NLRP8: variants seen among roughly 807,000 people sequenced by gnomAD.
NLRP8 encodes NLR family pyrin domain containing 8.
NLRP8 carries 86 observed loss-of-function variants against 88.7 expected under a neutral mutation model. The ratio of observed to expected loss-of-function variants is 0.97; its 90% CI spans 0.81 to 1.16. The LOEUF is 1.16. Among genes scored for constraint, NLRP8 ranks in the 50% most tolerant of loss-of-function variants. The pLI is 0.00. For synonymous variants in NLRP8, 504 were observed against 494.6 expected (o/e 1.02, Z -0.25); for missense variants, 1,342 against 1,286.5 (o/e 1.04, Z -0.66).
chr19:55,951,988 G>C (rs1203332935), intron 1 of NLRP8, among the ~76,000 whole-genome samples: 4 of 152,184 alleles, frequency 2.6e-5, no homozygotes, highest in African/African-American at 9.6e-5. Context: ...CTTGGCTCAA[G>C]CAATCCTCCT....
rs1381349011 is a variant in NLRP8, at chr19:55,967,540, T to A, written c.2381+1160T>A. On this transcript the variant is annotated intron_variant, in intron 5 of 9. Transcript: ENST00000291971. ...AATGACTGAATCTCATTCTTTTTCA[T>A]GGCTGAATGGTACTCCATTGTGTAT... Among the ~76,000 whole-genome samples, 5 of 152,374 alleles carry A rather than the reference T, an allele frequency of 3.3e-5. No individual in the cohort carries two copies. In the East Asian group the frequency reaches 9.6e-4, roughly 29 times the overall value.
chr19:55,973,879 G>T, intron 7 of NLRP8, 57 bp downstream of exon 7: 1 of 1,505,526 alleles, frequency 6.6e-7, no homozygotes, highest in Middle Eastern at 2.1e-4. Flanking sequence ...GGGTGATGAA[G>T]AGAACCTGTT....
chr19:55,979,556 G>A lies in NLRP8; in HGVS notation c.3039G>A (p.Glu1013=). The change falls in exon 9 of 10, where the codon GAG becomes GAA. Residue 1013 remains glutamate (E), a synonymous_variant. Coordinates refer to ENST00000291971, the MANE Select transcript of NLRP8 (RefSeq NM_176811.2). ...TCTCAAGCCAAAAGAAGAGAGAAGAGGTCATTTTGTAAGTCTCCACCGGGT... is the reference window on the plus strand; with the variant it reads ...TCTCAAGCCAAAAGAAGAGAGAAGAAGTCATTTTGTAAGTCTCCACCGGGT... 1 of 1,614,162 alleles carries A rather than the reference G, an allele frequency of 6.2e-7. No individual in the cohort carries two copies.
intron 3 of NLRP8, among the ~76,000 whole-genome samples, chr19:55,960,042 T>C (rs973332131): frequency 2.6e-5 from 4 of 152,092 alleles, no homozygotes; most frequent in African/African-American, 9.7e-5. Flanking sequence ...AGACCCCTAA[T>C]AAAAACTTGT....
chr19:55,985,799 T>C (rs1171695793), intron 9 of NLRP8, among the ~76,000 whole-genome samples: 1 of 152,142 alleles, frequency 6.6e-6, no homozygotes, highest in African/African-American at 2.4e-5. Context: ...GTGGATCACC[T>C]GAGGTCAGGA....
At chr19:55,959,616 C>T (rs1979526561) in intron 3 of NLRP8, among the ~76,000 whole-genome samples, 1 of 152,130 alleles carries the variant, frequency 6.6e-6, no homozygotes, top group East Asian at 1.9e-4. Context: ...GGGTATGTCC[C>T]TGAACCAAAC....
intron 9 of NLRP8, chr19:55,987,793 C>G: frequency 2.5e-6 from 4 of 1,572,302 alleles, no homozygotes; most frequent in South Asian, 1.1e-5. Context: ...CAACCAGCAG[C>G]CTTCCTTTAC....
chr19:55,948,182 G>A lies in NLRP8; in HGVS notation c.280G>A (p.Gly94Arg), dbSNP rs1366260512. Residue 94 changes from glycine (G) to arginine (R), a missense_variant, in exon 1 of 10, where the codon GGA becomes AGA. Coordinates refer to ENST00000291971, the MANE Select transcript of NLRP8 (RefSeq NM_176811.2). ...TCATCTCTTGATAGAGCGTTTCCCTGGACGACGCGCTTGGGATGTGACTTC... is the reference window on the plus strand; with the variant it reads ...TCATCTCTTGATAGAGCGTTTCCCTAGACGACGCGCTTGGGATGTGACTTC... 1.9e-6 allele frequency: 3 copies of A among 1,614,142 alleles called. No individual in the cohort carries two copies. The highest frequency in any genetic ancestry group is 2.5e-6 in the Non-Finnish European group (3 of 1,180,040).
intron 3 of NLRP8, among the ~76,000 whole-genome samples, chr19:55,961,191 C>T (rs919099437): frequency 3.3e-5 from 5 of 152,046 alleles, no homozygotes; most frequent in Admixed American, 1.3e-4. Context: ...TGTGAGCCAC[C>T]GTGCCCGGCC....
At chr19:55,956,766 C>T (rs1979375374) in intron 3 of NLRP8, among the ~76,000 whole-genome samples, 1 of 152,050 alleles carries the variant, frequency 6.6e-6, no homozygotes, top group Admixed American at 6.6e-5. Context: ...GTGCTGCATG[C>T]CCATAAAGAT....
intron 4 of NLRP8, among the ~76,000 whole-genome samples, chr19:55,965,558 C>T (rs57877835): frequency 0.018 from 2,744 of 152,112 alleles, 79 homozygotes; most frequent in East Asian, 0.055. Context: ...ACCAGTCCTC[C>T]GAATCCTTCA....
At chr19:55,974,784 C>T (rs1334319921) in intron 7 of NLRP8, among the ~76,000 whole-genome samples, 2 of 151,562 alleles carry the variant, frequency 1.3e-5, no homozygotes, top group African/African-American at 2.4e-5. Context: ...TACTGGGGCT[C>T]GTGGCATGAA....
At chr19:55,950,290 G>T (rs182929502) in intron 1 of NLRP8, among the ~76,000 whole-genome samples, 1 of 151,410 alleles carries the variant, frequency 6.6e-6, no homozygotes, top group South Asian at 2.1e-4. Flanking sequence ...GTGGTGACGG[G>T]TGCCTGTAAT....
chr19:55,958,179 C>A (rs947256384), intron 3 of NLRP8, among the ~76,000 whole-genome samples: 1 of 152,172 alleles, frequency 6.6e-6, no homozygotes, highest in Admixed American at 6.5e-5. Context: ...CATTGTCCTT[C>A]TGCTGCATAA....
At chr19:55,984,655 CAA>C (rs149144840) in intron 9 of NLRP8, among the ~76,000 whole-genome samples, 2,561 of 51,358 alleles carry the variant, frequency 0.05, 123 homozygotes, top group African/African-American at 0.14. Flanking sequence ...ACACTGTCTC[CAA>C]AAAAAAAAAA....
intron 4 of NLRP8, among the ~76,000 whole-genome samples, chr19:55,964,818 A>G (rs890681409): frequency 1.3e-5 from 2 of 152,112 alleles, no homozygotes; most frequent in Non-Finnish European, 2.9e-5. Flanking sequence ...TCACGAATAT[A>G]TGCATAGTCC....
At chr19:55,953,461 CA>C (rs1177881068) in intron 2 of NLRP8, among the ~76,000 whole-genome samples, 1 of 151,854 alleles carries the variant, frequency 6.6e-6, no homozygotes, top group Non-Finnish European at 1.5e-5. Flanking sequence ...GGGACCACTT[CA>C]ATAGAGTGTG....
chr19:55,963,534 A>G (rs188573249), intron 4 of NLRP8, among the ~76,000 whole-genome samples: 4 of 152,146 alleles, frequency 2.6e-5, no homozygotes, highest in African/African-American at 4.8e-5. Context: ...TGAGATTTAC[A>G]TGGAAGAGGA....
At chr19:55,986,448 T>A (rs62130171) in intron 9 of NLRP8, among the ~76,000 whole-genome samples, 1 of 53,386 alleles carries the variant, frequency 1.9e-5, no homozygotes, top group Non-Finnish European at 3.8e-5. Context: ...ATGCACTCTC[T>A]CTCTCACACA....
Sources: gnomAD v4.1 joint callset for allele counts (sites outside exome capture counted in the v4.1 genomes callset) on GRCh38, gnomAD v4.1.1 for gene constraint, MANE v1.5 for transcripts, NCBI Gene and HGNC (gene_info 2026-07-23, HGNC 2026-07-21) for gene names.